FRMPD4: variants seen among roughly 807,000 people sequenced by gnomAD.
FRMPD4 encodes the protein FERM and PDZ domain-containing protein 4.
FRMPD4 carries 22 observed loss-of-function variants against 94.1 expected under a neutral mutation model. The observed-to-expected ratio is 0.23, with a 90% CI of 0.17 to 0.33. The LOEUF (loss-of-function observed/expected upper bound fraction) is 0.33. FRMPD4 is among the 10% of genes least tolerant of loss of function. The pLI is 1.00. For synonymous variants in FRMPD4, 631 were observed against 548.6 expected, an observed-to-expected ratio of 1.15 and a Z score of -2.10; for missense variants, 1,111 against 1,339.9, an observed-to-expected ratio of 0.83 and a Z score of 2.67.
chrX:12,591,605 T>A (rs2058983424), intron 2 of FRMPD4, among the ~76,000 whole-genome samples: 1 of 112,285 alleles, frequency 8.9e-6, no homozygotes, highest in South Asian at 3.7e-4. Context: ...GTCTGCTTTG[T>A]GCTACAATGG....
At chrX:12,284,584 G>A (rs745906233) in intron 1 of FRMPD4, among the ~76,000 whole-genome samples, 2 of 111,734 alleles carry the variant, frequency 1.8e-5, no homozygotes, top group East Asian at 2.8e-4. Flanking sequence ...GGGCAGGGCC[G>A]AGATTTACAG....
At chrX:11,881,487 G>A (rs911363533) in intron 3 of FRMPD4, among the ~76,000 whole-genome samples, 1 of 112,353 alleles carries the variant, frequency 8.9e-6, no homozygotes, top group Non-Finnish European at 1.9e-5. Flanking sequence ...GCAAATTATT[G>A]ATACATACAA....
At chrX:12,680,503 T>C (rs2059959815) in intron 5 of FRMPD4, among the ~76,000 whole-genome samples, 2 of 112,532 alleles carry the variant, frequency 1.8e-5, no homozygotes, top group South Asian at 7.4e-4. Flanking sequence ...TTGATTCTCA[T>C]TAAGTAGCCT....
At chrX:12,163,012 A>G (rs919231506) in intron 1 of FRMPD4, among the ~76,000 whole-genome samples, 8 of 111,306 alleles carry the variant, frequency 7.2e-5, no homozygotes, top group Admixed American at 1.9e-4. Context: ...CTCACTAGTA[A>G]CATCTCTTGA....
intron 1 of FRMPD4, among the ~76,000 whole-genome samples, chrX:12,306,444 C>G (rs904774103): frequency 1.1e-4 from 12 of 111,949 alleles, no homozygotes; most frequent in Non-Finnish European, 2.1e-4. Flanking sequence ...TATGAGAACA[C>G]AGGCCAAATG....
At chrX:11,849,623 T>A (rs772503567) in intron 1 of FRMPD4, among the ~76,000 whole-genome samples, 10 of 109,264 alleles carry the variant, frequency 9.2e-5, no homozygotes, top group Admixed American at 2.0e-4. Context: ...TCACATAACA[T>A]GGTCAAATGA....
intron 3 of FRMPD4, among the ~76,000 whole-genome samples, chrX:12,069,994 C>G (rs12557558): frequency 0.054 from 6,001 of 111,204 alleles, 164 homozygotes; most frequent in Middle Eastern, 0.082. Flanking sequence ...TGTGGGTAAA[C>G]CTTTCTAAAG....
intron 1 of FRMPD4, among the ~76,000 whole-genome samples, chrX:12,364,283 G>T (rs989555454): frequency 1.8e-5 from 2 of 111,593 alleles, no homozygotes; most frequent in African/African-American, 6.5e-5. Flanking sequence ...TTACACCATG[G>T]TGGGGCATGT....
intron 4 of FRMPD4, among the ~76,000 whole-genome samples, chrX:12,617,961 T>A (rs2059250899): frequency 9.0e-6 from 1 of 111,607 alleles, no homozygotes; most frequent in South Asian, 3.8e-4. Context: ...ACTAACAACA[T>A]TTTGGTTTTT....
At chrX:12,195,894 C>T (rs1204822135) in intron 1 of FRMPD4, among the ~76,000 whole-genome samples, 1 of 111,694 alleles carries the variant, frequency 9.0e-6, no homozygotes, top group Non-Finnish European at 1.9e-5. Context: ...ATAGGCCATT[C>T]ATCCATGTTT....
At chrX:12,544,771 T>C (rs1443463752) in intron 2 of FRMPD4, among the ~76,000 whole-genome samples, 5 of 111,365 alleles carry the variant, frequency 4.5e-5, no homozygotes, top group Non-Finnish European at 7.5e-5. Flanking sequence ...TGGGTTACTC[T>C]AAACCTATGT....
At chrX:12,670,397 T>C (rs1192537406) in intron 4 of FRMPD4, among the ~76,000 whole-genome samples, 2 of 111,989 alleles carry the variant, frequency 1.8e-5, no homozygotes, top group African/African-American at 3.2e-5. Context: ...AATGGATATA[T>C]AGACCAATGC....
intron 1 of FRMPD4, among the ~76,000 whole-genome samples, chrX:12,231,002 A>ACT (rs1555938178): frequency 3.9e-5 from 2 of 50,770 alleles, no homozygotes; most frequent in Non-Finnish European, 7.3e-5. Context: ...TAGTATATAT[A>ACT]ATATATAGTA....
At chrX:12,166,888 A>G (rs140315287) in intron 1 of FRMPD4, among the ~76,000 whole-genome samples, 18,896 of 110,505 alleles carry the variant, frequency 0.17, 1,180 homozygotes, top group South Asian at 0.3. Flanking sequence ...CTGTGGGATC[A>G]GTGGTGATAT....
intron 4 of FRMPD4, among the ~76,000 whole-genome samples, chrX:12,637,556 T>C (rs756231372): frequency 1.8e-5 from 2 of 111,381 alleles, no homozygotes; most frequent in Non-Finnish European, 3.8e-5. Context: ...ATGGTATGCC[T>C]GTAGTCCTAG....
rs2147172942 is a variant in FRMPD4, at chrX:12,717,497, G to A, written c.2675-4G>A. 1 of 1,157,456 alleles carries A rather than the reference G, an allele frequency of 8.6e-7. No individual in the cohort carries two copies. The highest frequency in any genetic ancestry group is 3.0e-5 in the East Asian group (1 of 33,547). On this transcript the variant is annotated splice_region_variant and splice_polypyrimidine_tract_variant and intron_variant, in intron 15 of 16. Transcript: ENST00000675598. Reference sequence around the variant, plus strand: ...AATCAGTTCTTGTTTTTTACGGCATGCAGGTGTAGCCATCTTGCGGGCTTA... The same window carrying A: ...AATCAGTTCTTGTTTTTTACGGCATACAGGTGTAGCCATCTTGCGGGCTTA...
chrX:12,213,140 T>C (rs1362220474), intron 1 of FRMPD4, among the ~76,000 whole-genome samples: 2 of 111,523 alleles, frequency 1.8e-5, no homozygotes, highest in African/African-American at 3.3e-5. Flanking sequence ...TCAGTTTTGA[T>C]AACATGCTCT....
chrX:12,091,484 T>C (rs2055153228), intron 3 of FRMPD4, among the ~76,000 whole-genome samples: 1 of 112,612 alleles, frequency 8.9e-6, no homozygotes, highest in Non-Finnish European at 1.9e-5. Context: ...ACATAAACAA[T>C]GGGCTAGATT....
chrX:12,152,636 A>G (rs1032731086), intron 1 of FRMPD4, among the ~76,000 whole-genome samples: 2 of 111,464 alleles, frequency 1.8e-5, no homozygotes, highest in African/African-American at 6.5e-5. Context: ...TCTATTTTGA[A>G]TGAATGAAAC....
Sources: allele counts gnomAD v4.1 joint callset (sites outside exome capture counted in the v4.1 genomes callset), GRCh38; gene constraint gnomAD v4.1.1; transcripts MANE v1.5; gene names NCBI Gene and HGNC (gene_info 2026-07-23, HGNC 2026-07-21).